The following CDC14A variants were observed in gnomAD, a reference collection of about 807,000 sequenced individuals.
The protein encoded by CDC14A is dual specificity protein phosphatase CDC14A.
A neutral mutation model predicts 74.4 loss-of-function variants in CDC14A; 53 were observed. That is an observed-to-expected ratio of 0.71 (90% CI 0.57 to 0.89). The LOEUF is 0.89. Among genes scored for constraint, CDC14A ranks in the 40% least tolerant of loss-of-function variants. The pLI is 0.00. For missense variants in CDC14A, 646 were observed against 713.7 expected, an observed-to-expected ratio of 0.91 and a Z score of 1.08; for synonymous variants, 247 against 258.4, an observed-to-expected ratio of 0.96 and a Z score of 0.43.
chr1:100,481,882 T>A (rs1202489787), intron 10 of CDC14A, among the ~76,000 whole-genome samples: 1 of 152,236 alleles, frequency 6.6e-6, no homozygotes, highest in East Asian at 1.9e-4. Context: ...TTACTTCTTT[T>A]GTTTGAGATG....
chr1:100,504,787 T>C (rs1649090590), intron 15 of CDC14A: 2 of 1,514,436 alleles, frequency 1.3e-6, no homozygotes, highest in South Asian at 1.2e-5. Context: ...TTTACCTTGC[T>C]TATTCTCTTG....
chr1:100,480,616 A>C (rs74779589), intron 10 of CDC14A, among the ~76,000 whole-genome samples: 17,088 of 152,228 alleles, frequency 0.11, 1,147 homozygotes, highest in Middle Eastern at 0.14. Flanking sequence ...CCCACCAACA[A>C]TGCACGAGGG....
chr1:100,412,704 A>ATATATATATATATATATATATTT, intron 4 of CDC14A, among the ~76,000 whole-genome samples: 1 of 100,898 alleles, frequency 9.9e-6, no homozygotes, highest in Admixed American at 1.0e-4. Context: ...TTTTATATAT[A>ATATATATATATATATATATATTT]TATATATATA....
At chr1:100,417,524 G>C (rs962180615) in intron 4 of CDC14A, among the ~76,000 whole-genome samples, 1 of 152,206 alleles carries the variant, frequency 6.6e-6, no homozygotes, top group African/African-American at 2.4e-5. Flanking sequence ...AGACACAGAG[G>C]AAGTGGGAGA....
At chr1:100,471,588 T>C (rs897689069) in intron 10 of CDC14A, among the ~76,000 whole-genome samples, 4 of 152,130 alleles carry the variant, frequency 2.6e-5, no homozygotes, top group Admixed American at 2.6e-4. Flanking sequence ...CTCCCAGATA[T>C]GGATTCATTT....
intron 4 of CDC14A, among the ~76,000 whole-genome samples, chr1:100,420,057 C>CCATATATATATATATATAT (rs1553180503): frequency 3.3e-5 from 1 of 30,578 alleles, no homozygotes; most frequent in African/African-American, 1.4e-4. Context: ...CACACACACA[C>CCATATATATATATATATAT]ACACACATAT....
At chr1:100,465,587 T>C (rs374967075) in intron 9 of CDC14A, among the ~76,000 whole-genome samples, 1 of 152,220 alleles carries the variant, frequency 6.6e-6, no homozygotes, top group African/African-American at 2.4e-5. Flanking sequence ...AAGAATCTTA[T>C]CCTATGTCAA....
At chr1:100,489,787 A>G (rs1339095002) in intron 11 of CDC14A, among the ~76,000 whole-genome samples, 1 of 152,032 alleles carries the variant, frequency 6.6e-6, no homozygotes, top group South Asian at 2.1e-4. Context: ...TCTTCCCTGG[A>G]CTAGGTAGGG....
chr1:100,512,865 C>A (rs1196317430), intron 15 of CDC14A, among the ~76,000 whole-genome samples: 1 of 152,008 alleles, frequency 6.6e-6, no homozygotes, highest in Non-Finnish European at 1.5e-5. Context: ...AAAACCATAC[C>A]CAGCTACATT....
At chr1:100,412,739 T>TATATATATATA (rs1660991154) in intron 4 of CDC14A, among the ~76,000 whole-genome samples, 1 of 93,790 alleles carries the variant, frequency 1.1e-5, no homozygotes, top group African/African-American at 7.2e-5. Context: ...ATATATATAT[T>TATATATATATA]TTATATATAT....
intron 11 of CDC14A, among the ~76,000 whole-genome samples, chr1:100,490,726 C>G (rs538208572): frequency 6.6e-6 from 1 of 152,242 alleles, no homozygotes; most frequent in South Asian, 2.1e-4. Flanking sequence ...GTAAAGAACT[C>G]TTACAAATCA....
At chr1:100,372,396 T>C (rs916460246) in intron 2 of CDC14A, among the ~76,000 whole-genome samples, 2 of 152,236 alleles carry the variant, frequency 1.3e-5, no homozygotes, top group African/African-American at 4.8e-5. Context: ...GTTTTCAAAA[T>C]AGGAGTTAAT....
At chr1:100,484,823 A>T (rs1669867459) in intron 11 of CDC14A, 2 of 986,774 alleles carry the variant, frequency 2.0e-6, no homozygotes, top group Non-Finnish European at 2.4e-6. Flanking sequence ...CCTCAAATTC[A>T]TGCTGATTTC....
intron 5 of CDC14A, among the ~76,000 whole-genome samples, chr1:100,432,448 C>G (rs1015936765): frequency 2.6e-5 from 4 of 152,164 alleles, no homozygotes; most frequent in Non-Finnish European, 1.5e-5. Context: ...TGAAATCAGT[C>G]TAGTCCAAAC....
chr1:100,377,680 C>A, intron 3 of CDC14A, 59 bp downstream of exon 3: 1 of 1,282,850 alleles, frequency 7.8e-7, no homozygotes, highest in Non-Finnish European at 1.1e-6. Flanking sequence ...ATAGGATCTG[C>A]TCAGTGGGGT....
At chr1:100,403,260 C>T (rs985102200) in intron 4 of CDC14A, among the ~76,000 whole-genome samples, 19 of 152,326 alleles carry the variant, frequency 1.2e-4, no homozygotes, top group Middle Eastern at 3.4e-3. Context: ...ACAATTCTTA[C>T]AAGGTGTAAA....
chr1:100,445,525 G>C lies in CDC14A; in HGVS notation c.519+2529G>C, dbSNP rs1008331954. Reference sequence around the variant, plus strand: ...CACTAAAGCCATTTCAATTAAAGGAGAGATGGAGGCAGGAGGGGGTTGGAA... The same window carrying C: ...CACTAAAGCCATTTCAATTAAAGGACAGATGGAGGCAGGAGGGGGTTGGAA... On this transcript the variant is annotated intron_variant, in intron 7 of 15. Transcript: ENST00000336454. Among the ~76,000 whole-genome samples the C allele has an allele frequency of 8.5e-5, 13 of 152,162 alleles. No individual in the cohort carries two copies. In the South Asian group the frequency reaches 1.0e-3, roughly 12 times the overall value.
intron 4 of CDC14A, chr1:100,393,263 A>G (rs879091582): frequency 2.1e-6 from 3 of 1,396,542 alleles, no homozygotes; most frequent in South Asian, 2.3e-5. Context: ...CTTTCTGTGC[A>G]TGTTCAATCA....
intron 15 of CDC14A, among the ~76,000 whole-genome samples, chr1:100,503,349 C>T (rs1336162528): frequency 6.6e-6 from 1 of 152,166 alleles, no homozygotes; most frequent in East Asian, 1.9e-4. Context: ...AAAATGAAGT[C>T]TGCATGGCAA....
Sources: allele counts gnomAD v4.1 joint callset (sites outside exome capture counted in the v4.1 genomes callset), GRCh38; gene constraint gnomAD v4.1.1; transcripts MANE v1.5; gene names NCBI Gene and HGNC (gene_info 2026-07-23, HGNC 2026-07-21).